WDR27: variants seen among roughly 807,000 people sequenced by gnomAD.
WDR27 encodes the protein WD repeat domain 27.
A neutral mutation model predicts 114.4 loss-of-function variants in WDR27; 100 were observed. The observed-to-expected ratio is 0.87, with a 90% CI of 0.74 to 1.03. The LOEUF (loss-of-function observed/expected upper bound fraction) is 1.03. Ranked by LOEUF, WDR27 falls within the 50% of genes least tolerant of loss-of-function variation. WDR27 has a pLI of 0.00. For synonymous variants in WDR27, 449 were observed against 423.1 expected, an observed-to-expected ratio of 1.06 and a Z score of -0.75; for missense variants, 1,129 against 1,092.9, an observed-to-expected ratio of 1.03 and a Z score of -0.47.
rs1817923138 is a variant in WDR27 at position 169,637,547 on chromosome 6, CATGT to C, written c.1869+988_1869+991del. ...CATCTACATGTGTGTGTGCCTATTGCATGTGTGTGAATATGTGGCAAGTATGTAA... is the reference window on the plus strand; with the variant it reads ...CATCTACATGTGTGTGTGCCTATTGCGTGTGAATATGTGGCAAGTATGTAA... On this transcript the variant is annotated intron_variant, in intron 18 of 25. Coordinates refer to ENST00000448612, the MANE Select transcript of WDR27 (RefSeq NM_182552.5). 3.3e-5 allele frequency among the ~76,000 whole-genome samples: 5 copies of C among 151,458 alleles called. No individual in the cohort carries two copies. In the South Asian group the frequency reaches 1.0e-3, roughly 32 times the overall value.
chr6:169,660,903 T>C, intron 9 of WDR27, 137 bp from the exon 10 acceptor site: 1 of 737,304 alleles, frequency 1.4e-6, no homozygotes, highest in Non-Finnish European at 2.2e-6. Flanking sequence ...GTGCGCCCCC[T>C]GGCCTGGCTG....
chr6:169,530,886 C>A (rs1175125232), intron 25 of WDR27, among the ~76,000 whole-genome samples: 3 of 152,196 alleles, frequency 2.0e-5, no homozygotes, highest in Non-Finnish European at 4.4e-5. Flanking sequence ...AACATTCATG[C>A]ATGCACGTCT....
At chr6:169,696,681 G>A (rs1304003110) in intron 1 of WDR27, among the ~76,000 whole-genome samples, 1 of 152,238 alleles carries the variant, frequency 6.6e-6, no homozygotes. Flanking sequence ...TTGGGAGGCT[G>A]AGGCGGGTGG....
intron 21 of WDR27, among the ~76,000 whole-genome samples, chr6:169,617,224 G>GGGGT (rs1361686538): frequency 6.6e-6 from 1 of 152,170 alleles, no homozygotes; most frequent in Non-Finnish European, 1.5e-5. Flanking sequence ...TCAAGAGAGA[G>GGGGT]GGGTGTCCCA....
At chr6:169,449,816 A>G in the WDR27 span, among the ~76,000 whole-genome samples, 2 of 152,196 alleles carry the variant, frequency 1.3e-5, no homozygotes, top group Admixed American at 6.5e-5. Context: ...GCGTATGTCC[A>G]TAACCATCGT....
chr6:169,683,531 A>G (rs1011284852), intron 2 of WDR27, among the ~76,000 whole-genome samples: 20 of 147,616 alleles, frequency 1.4e-4, no homozygotes, highest in Admixed American at 3.4e-4. Flanking sequence ...CCTCCAAAAG[A>G]AAAAAAAAAA....
intron 25 of WDR27, among the ~76,000 whole-genome samples, chr6:169,541,538 G>A (rs1489323061): frequency 6.6e-6 from 1 of 152,216 alleles, no homozygotes; most frequent in Non-Finnish European, 1.5e-5. Context: ...TGGCCTTCAG[G>A]CACGAGGCCA....
chr6:169,457,364 C>T lies in WDR27; in HGVS notation c.*228G>A, dbSNP rs2115243549. ...GTGCAGAAGTACTGGACGCCATTTC[C>T]ATTTTCCCAATGAAGGGGATCCCTT... On this transcript the variant is annotated 3_prime_UTR_variant, in exon 26 of 26. Coordinates refer to ENST00000448612, the MANE Select transcript of WDR27 (RefSeq NM_182552.5). 1 of 414,010 alleles carries T rather than the reference C, an allele frequency of 2.4e-6. No individual in the cohort carries two copies. The highest frequency in any genetic ancestry group is 6.2e-5 in the South Asian group (1 of 16,144). 25.6% of individuals were successfully genotyped at this position (414,010 alleles called of 1,614,324 possible).
chr6:169,591,276 T>A (rs1467024470), intron 23 of WDR27, among the ~76,000 whole-genome samples: 1 of 152,202 alleles, frequency 6.6e-6, no homozygotes, highest in Non-Finnish European at 1.5e-5. Flanking sequence ...AAGCAAAATG[T>A]CTATTATTCA....
chr6:169,696,277 C>G lies in WDR27; in HGVS notation c.-8+5274G>C, dbSNP rs1299864710. ...TCAACAGCAAGAGTCCAGGGTGACC[C>G]AAGGGTTGAGATGGTGCTAGGAGAT... On this transcript the variant is annotated intron_variant, in intron 1 of 25. Coordinates refer to ENST00000448612, the MANE Select transcript of WDR27 (RefSeq NM_182552.5). Among the ~76,000 whole-genome samples the G allele has an allele frequency of 3.3e-5, 5 of 152,100 alleles. No homozygotes were observed. The East Asian group carries it at 9.6e-4, about 29-fold the overall frequency.
intron 25 of WDR27, among the ~76,000 whole-genome samples, chr6:169,459,985 G>T (rs1187749265): frequency 6.6e-6 from 1 of 152,068 alleles, no homozygotes; most frequent in Non-Finnish European, 1.5e-5. Context: ...TGAAATAAAA[G>T]GACCCTAGAC....
chr6:169,641,181 G>C (rs137973610), intron 17 of WDR27, among the ~76,000 whole-genome samples: 310 of 152,316 alleles, frequency 2.0e-3, no homozygotes, highest in African/African-American at 6.8e-3. Flanking sequence ...CCACTCCCAG[G>C]ATGAAAACAA....
chr6:169,582,983 TCAC>T (rs750093795), intron 23 of WDR27, 49 bp from the exon 24 acceptor site: 14 of 1,558,350 alleles, frequency 9.0e-6, no homozygotes, highest in Non-Finnish European at 1.2e-5. Flanking sequence ...GAGTCAGGAA[TCAC>T]CTGTAAGCTA....
intron 22 of WDR27, among the ~76,000 whole-genome samples, chr6:169,603,151 CTTTT>C (rs11285980): frequency 4.4e-5 from 6 of 136,652 alleles, no homozygotes; most frequent in Admixed American, 7.3e-5. Flanking sequence ...CAAGATAATT[CTTTT>C]TTTTTTTTTT....
chr6:169,494,912 A>C (rs763652895), intron 25 of WDR27, among the ~76,000 whole-genome samples: 1 of 152,200 alleles, frequency 6.6e-6, no homozygotes, highest in Non-Finnish European at 1.5e-5. Context: ...TTTTTCAGGC[A>C]ATTATTTACT....
chr6:169,430,457 G>A, the WDR27 span, among the ~76,000 whole-genome samples: 13 of 152,350 alleles, frequency 8.5e-5, no homozygotes, highest in Middle Eastern at 3.4e-3. Context: ...AAAGATGCAA[G>A]CTCTGCACAA....
At chr6:169,512,811 A>T (rs1793078160) in intron 25 of WDR27, among the ~76,000 whole-genome samples, 1 of 152,222 alleles carries the variant, frequency 6.6e-6, no homozygotes, top group Non-Finnish European at 1.5e-5. Flanking sequence ...GTGAAAAAAT[A>T]GTTCATGGCT....
At chr6:169,654,127 A>T (rs1823363436) in intron 13 of WDR27, among the ~76,000 whole-genome samples, 2 of 152,270 alleles carry the variant, frequency 1.3e-5, no homozygotes, top group Non-Finnish European at 2.9e-5. Flanking sequence ...ATGAAAATTG[A>T]TGCAAAACTC....
At chr6:169,657,477 C>T (rs1427829746) in intron 13 of WDR27, among the ~76,000 whole-genome samples, 2 of 152,334 alleles carry the variant, frequency 1.3e-5, no homozygotes, top group East Asian at 3.9e-4. Context: ...GGAGATGGCC[C>T]TTCTGGGAGG....
Sources: allele counts gnomAD v4.1 joint callset (sites outside exome capture counted in the v4.1 genomes callset), GRCh38; gene constraint gnomAD v4.1.1; transcripts MANE v1.5; gene names NCBI Gene and HGNC (gene_info 2026-07-23, HGNC 2026-07-21).